FGF14: variants seen among roughly 807,000 people sequenced by gnomAD.
FGF14 encodes fibroblast growth factor homologous factor 4.
FGF14 carries 5 observed loss-of-function variants against 25.5 expected under a neutral mutation model. That is an observed-to-expected ratio of 0.20 (90% CI 0.10 to 0.41). The LOEUF is 0.41. Ranked by LOEUF, FGF14 falls within the 10% of genes least tolerant of loss-of-function variation. The pLI is 1.00. For missense variants in FGF14, 222 were observed against 320.1 expected (o/e 0.69, Z 2.34); for synonymous variants, 138 against 118.3 (o/e 1.17, Z -1.08).
chr13:102,112,932 A>G (rs2045303876), intron 1 of FGF14, among the ~76,000 whole-genome samples: 1 of 152,148 alleles, frequency 6.6e-6, no homozygotes, highest in African/African-American at 2.4e-5. Context: ...GACATAATGC[A>G]CTCTAAGACA....
At chr13:102,362,459 G>A (rs1248461667) in intron 1 of FGF14, among the ~76,000 whole-genome samples, 1 of 152,162 alleles carries the variant, frequency 6.6e-6, no homozygotes, top group East Asian at 1.9e-4. Context: ...TAGAGATATT[G>A]AGATAAATAA....
At chr13:102,061,445 G>T (rs773254909) in intron 1 of FGF14, among the ~76,000 whole-genome samples, 2 of 152,186 alleles carry the variant, frequency 1.3e-5, no homozygotes, top group Non-Finnish European at 2.9e-5. Context: ...CCCATGGCAC[G>T]CCCTGAGAGG....
rs2034851338 is a variant in FGF14, at chr13:101,719,566, A to T, written c.*3265T>A. ...GTGGTAGCAAAATGTTTTAAAAAGC[A>T]ATCTTATATTAGAAAACAAAAATGT... On this transcript the variant is annotated 3_prime_UTR_variant, in exon 5 of 5. Transcript: ENST00000376143. 1 of 152,138 alleles carries T rather than the reference A, an allele frequency of 6.6e-6. No individual in the cohort carries two copies. The highest frequency in any genetic ancestry group is 6.6e-5 in the Admixed American group (1 of 15,246). The allele number at this position is 152,138 out of a possible 1,614,324, so 9.4% of individuals were successfully genotyped here.
At chr13:102,197,820 T>G (rs968276222) in intron 1 of FGF14, among the ~76,000 whole-genome samples, 3 of 152,114 alleles carry the variant, frequency 2.0e-5, no homozygotes, top group African/African-American at 7.2e-5. Flanking sequence ...CATTACAAAA[T>G]TATTTCAGGG....
At chr13:101,877,864 A>C (rs2045484771) in intron 1 of FGF14, among the ~76,000 whole-genome samples, 1 of 152,180 alleles carries the variant, frequency 6.6e-6, no homozygotes, top group Admixed American at 6.5e-5. Context: ...TTGCTAGTTC[A>C]GTACTATAAG....
chr13:101,920,182 C>A (rs938323920), upstream of FGF14, among the ~76,000 whole-genome samples: 3 of 152,104 alleles, frequency 2.0e-5, no homozygotes, highest in African/African-American at 7.2e-5. Context: ...AATTCAGGGC[C>A]GGTGAACACA....
intron 1 of FGF14, among the ~76,000 whole-genome samples, chr13:102,351,046 A>G (rs1321083644): frequency 1.3e-5 from 2 of 151,878 alleles, no homozygotes; most frequent in East Asian, 1.9e-4. Flanking sequence ...TCTCACCACT[A>G]ACTGCTAAGG....
chr13:101,920,680 C>T (rs1456837137), upstream of FGF14, among the ~76,000 whole-genome samples: 2 of 152,054 alleles, frequency 1.3e-5, no homozygotes, highest in Admixed American at 6.6e-5. Context: ...TTCCTCACCA[C>T]CACCCCCCCA....
In FGF14 at chr13:102,061,895, G is replaced by A. The variant is rs548044109; in HGVS notation, c.209-186599C>T. 1.1e-4 allele frequency among the ~76,000 whole-genome samples: 16 copies of A among 152,246 alleles called. No homozygotes were observed. The East Asian group carries it at 2.3e-3, about 22-fold the overall frequency. On this transcript the variant is annotated intron_variant, in intron 1 of 4. Coordinates refer to the FGF14 transcript ENST00000376131. ...ACGTAACATCCTCCATGACTTTTCT[G>A]ACATATGAAGAGGCATCTGAGAACT...
chr13:101,808,641 T>G (rs538700171), intron 3 of FGF14, among the ~76,000 whole-genome samples: 3 of 152,198 alleles, frequency 2.0e-5, no homozygotes, highest in African/African-American at 7.2e-5. Context: ...TCTTGTTGGA[T>G]AGCCATGATT....
At chr13:102,057,446 TTGGA>T (rs1238091020) in intron 1 of FGF14, among the ~76,000 whole-genome samples, 2 of 152,124 alleles carry the variant, frequency 1.3e-5, no homozygotes, top group Non-Finnish European at 2.9e-5. Flanking sequence ...GGCCCCACAA[TTGGA>T]TGGAGTAATT....
chr13:102,102,597 G>C (rs1009355429), intron 1 of FGF14, among the ~76,000 whole-genome samples: 2 of 152,156 alleles, frequency 1.3e-5, no homozygotes, highest in Non-Finnish European at 2.9e-5. Flanking sequence ...ACTCCATGGT[G>C]CCCTGCCCTG....
chr13:102,046,969 G>A (rs1010169809), intron 1 of FGF14, among the ~76,000 whole-genome samples: 6 of 152,070 alleles, frequency 3.9e-5, no homozygotes, highest in Non-Finnish European at 7.4e-5. Context: ...CTATTGGGGA[G>A]GTGTCAGGTT....
intron 1 of FGF14, among the ~76,000 whole-genome samples, chr13:102,298,829 T>C (rs1399696739): frequency 6.6e-6 from 1 of 152,196 alleles, no homozygotes; most frequent in African/African-American, 2.4e-5. Context: ...AATTCCGGTG[T>C]CTGAGAAAAC....
intron 3 of FGF14, among the ~76,000 whole-genome samples, chr13:101,796,658 A>G (rs2040540955): frequency 6.6e-6 from 1 of 152,070 alleles, no homozygotes; most frequent in Non-Finnish European, 1.5e-5. Context: ...ATAGGCATTC[A>G]GAGAGGAATG....
At chr13:102,223,288 A>G (rs1460949948) in intron 1 of FGF14, among the ~76,000 whole-genome samples, 2 of 152,164 alleles carry the variant, frequency 1.3e-5, no homozygotes, top group African/African-American at 4.8e-5. Flanking sequence ...TGGTTTGGGG[A>G]AGAGGGCAAT....
chr13:101,749,466 C>A (rs1362612775), intron 3 of FGF14, among the ~76,000 whole-genome samples: 1 of 151,816 alleles, frequency 6.6e-6, no homozygotes, highest in Non-Finnish European at 1.5e-5. Context: ...CTTAAAATGA[C>A]AAAAATACAG....
At chr13:101,905,290 T>C (rs184767098) in intron 1 of FGF14, among the ~76,000 whole-genome samples, 2 of 152,228 alleles carry the variant, frequency 1.3e-5, no homozygotes, top group East Asian at 3.9e-4. Context: ...CAGCAAAGAC[T>C]TGGAACCTAC....
intron 1 of FGF14, among the ~76,000 whole-genome samples, chr13:102,126,745 T>A (rs973912684): frequency 6.6e-6 from 1 of 152,228 alleles, no homozygotes; most frequent in African/African-American, 2.4e-5. Flanking sequence ...TTATGGATCA[T>A]TTCCTGTATG....
Sources: allele counts gnomAD v4.1 joint callset (sites outside exome capture counted in the v4.1 genomes callset), GRCh38; gene constraint gnomAD v4.1.1; transcripts MANE v1.5; gene names NCBI Gene and HGNC (gene_info 2026-07-23, HGNC 2026-07-21).